Variants in SYN2 observed in about 807,000 individuals in gnomAD.
SYN2 encodes synapsin-2.
A neutral mutation model predicts 50.9 loss-of-function variants in SYN2; 19 were observed. That is an observed-to-expected ratio of 0.37 (90% confidence interval 0.26 to 0.55). The LOEUF is 0.55. Among genes scored for constraint, SYN2 ranks in the 20% least tolerant of loss-of-function variants. The pLI is 0.81. For missense variants in SYN2, 587 were observed against 576.4 expected (o/e 1.02, Z -0.19); for synonymous variants, 255 against 224.9 (o/e 1.13, Z -1.20).
intron 1 of SYN2, among the ~76,000 whole-genome samples, chr3:12,026,431 C>A (rs938472570): frequency 2.6e-5 from 4 of 151,994 alleles, no homozygotes; most frequent in African/African-American, 4.8e-5. Context: ...ACAAGGCCTT[C>A]ATGCTACCCT....
intron 1 of SYN2, among the ~76,000 whole-genome samples, chr3:12,085,383 ACG>A (rs1307009314): frequency 1.1e-4 from 15 of 138,470 alleles, no homozygotes; most frequent in Non-Finnish European, 1.0e-4. Flanking sequence ...ACACACACGC[ACG>A]CACGCACGCA....
At chr3:12,150,809 A>G (rs1697267441) in intron 4 of SYN2, among the ~76,000 whole-genome samples, 1 of 152,128 alleles carries the variant, frequency 6.6e-6, no homozygotes, top group Non-Finnish European at 1.5e-5. Context: ...TGAACTTCCA[A>G]GACTTGGCCC....
intron 1 of SYN2, among the ~76,000 whole-genome samples, chr3:12,049,017 A>G (rs1244383662): frequency 6.6e-6 from 1 of 152,212 alleles, no homozygotes; most frequent in African/African-American, 2.4e-5. Context: ...GTGAATATGT[A>G]GGTGAGATGT....
chr3:12,095,777 C>T (rs1489983649), intron 1 of SYN2, among the ~76,000 whole-genome samples: 1 of 151,156 alleles, frequency 6.6e-6, no homozygotes, highest in Non-Finnish European at 1.5e-5. Context: ...CAAAACAGAG[C>T]CCTTAGTTGT....
chr3:12,115,653 A>G (rs1169474105), intron 1 of SYN2, among the ~76,000 whole-genome samples: 2 of 152,184 alleles, frequency 1.3e-5, no homozygotes, highest in South Asian at 2.1e-4. Flanking sequence ...TCCAATTTAC[A>G]TAGGAACTTA....
intron 1 of SYN2, among the ~76,000 whole-genome samples, chr3:12,054,545 A>G (rs1368190485): frequency 6.6e-6 from 1 of 151,996 alleles, no homozygotes; most frequent in Non-Finnish European, 1.5e-5. Context: ...AATTACTTAC[A>G]TTATCTGAAA....
chr3:12,146,827 G>C (rs914398712), intron 4 of SYN2, among the ~76,000 whole-genome samples: 2 of 152,150 alleles, frequency 1.3e-5, no homozygotes, highest in African/African-American at 4.8e-5. Context: ...CAGCTCCTCT[G>C]CTGGCTCTGC....
intron 1 of SYN2, among the ~76,000 whole-genome samples, chr3:12,105,558 A>G (rs907741728): frequency 1.0e-4 from 15 of 150,334 alleles, no homozygotes; most frequent in African/African-American, 3.4e-4. Flanking sequence ...ACCTGACATC[A>G]GAAGACAACC....
chr3:12,160,066 A>AG (rs1697608674), intron 5 of SYN2, among the ~76,000 whole-genome samples: 5 of 142,484 alleles, frequency 3.5e-5, no homozygotes, highest in African/African-American at 1.3e-4. Flanking sequence ...AAAAAAAAAA[A>AG]GTAAAAGAAA....
chr3:12,082,173 C>G (rs1695597565), intron 1 of SYN2, among the ~76,000 whole-genome samples: 1 of 152,176 alleles, frequency 6.6e-6, no homozygotes, highest in Admixed American at 6.5e-5. Context: ...TTTCAAGGGT[C>G]TTCCTCTGGT....
At chr3:12,014,059 C>G (rs2084557494) in intron 1 of SYN2, among the ~76,000 whole-genome samples, 1 of 152,174 alleles carries the variant, frequency 6.6e-6, no homozygotes, top group African/African-American at 2.4e-5. Context: ...TATTGAGCGT[C>G]TATGCCCCCT....
intron 1 of SYN2, among the ~76,000 whole-genome samples, chr3:12,030,634 C>A (rs940269766): frequency 7.0e-6 from 1 of 143,254 alleles, no homozygotes; most frequent in African/African-American, 2.6e-5. Flanking sequence ...GGAATGTATC[C>A]ATTTCTTCTA....
chr3:12,162,000 C>T lies in SYN2; in HGVS notation c.838-12C>T. On this transcript the variant is annotated splice_polypyrimidine_tract_variant and intron_variant, in intron 6 of 12. Coordinates refer to ENST00000621198, the MANE Select transcript of SYN2 (RefSeq NM_133625.6). ...TCTCCCTTTCCCCCTTTCTGCCCTG[C>T]TCTAACATTAGGTCAAAGTGGAAAA... 1 of 1,613,868 alleles carries T rather than the reference C, an allele frequency of 6.2e-7. No homozygotes were observed. The highest frequency in any genetic ancestry group is 8.5e-7 in the Non-Finnish European group (1 of 1,179,806).
At chr3:12,054,893 G>T (rs937680371) in intron 1 of SYN2, among the ~76,000 whole-genome samples, 2 of 151,944 alleles carry the variant, frequency 1.3e-5, no homozygotes, top group Non-Finnish European at 2.9e-5. Flanking sequence ...AGAATTCTGG[G>T]TCAAAAATAA....
At chr3:12,080,929 A>G (rs1482505442) in intron 1 of SYN2, among the ~76,000 whole-genome samples, 1 of 152,112 alleles carries the variant, frequency 6.6e-6, no homozygotes, top group African/African-American at 2.4e-5. Context: ...TTGCTGTTCC[A>G]ATTGTGGTGA....
intron 5 of SYN2, among the ~76,000 whole-genome samples, chr3:12,160,917 T>C (rs1290785268): frequency 6.6e-6 from 1 of 152,130 alleles, no homozygotes; most frequent in Admixed American, 6.5e-5. Context: ...AGGATCTCTC[T>C]GCATTTATAA....
intron 1 of SYN2, among the ~76,000 whole-genome samples, chr3:12,021,106 A>AT (rs1694125505): frequency 6.6e-6 from 1 of 152,026 alleles, no homozygotes; most frequent in African/African-American, 2.4e-5. Context: ...TAAAAATTGT[A>AT]TTTTTTCATG....
At chr3:12,185,608 C>T (rs1335739289) in intron 11 of SYN2, 15 of 985,758 alleles carry the variant, frequency 1.5e-5, no homozygotes, top group Non-Finnish European at 1.8e-5. Context: ...GACGTTGTCC[C>T]CTTTTTTTGT....
intron 1 of SYN2, among the ~76,000 whole-genome samples, chr3:12,026,603 A>G (rs1350050150): frequency 1.3e-5 from 2 of 152,142 alleles, no homozygotes; most frequent in Non-Finnish European, 2.9e-5. Flanking sequence ...TCTCAGGTAG[A>G]GGAGTGAGGC....
Sources: gnomAD v4.1 joint callset for allele counts (sites outside exome capture counted in the v4.1 genomes callset) on GRCh38, gnomAD v4.1.1 for gene constraint, MANE v1.5 for transcripts, NCBI Gene and HGNC (gene_info 2026-07-23, HGNC 2026-07-21) for gene names.